Variants in CCDC7 observed in about 807,000 individuals in gnomAD.
CCDC7 encodes coiled-coil domain containing 7, also known as coiled-coil domain-containing protein 7.
CCDC7 carries 183 observed loss-of-function variants against 196.9 expected under a neutral mutation model. That is an observed-to-expected ratio of 0.93 (90% confidence interval 0.82 to 1.05). The LOEUF (loss-of-function observed/expected upper bound fraction) is 1.05, where lower values mean the gene tolerates loss of function less well. Ranked by LOEUF, CCDC7 falls within the 50% of genes least tolerant of loss-of-function variation. The pLI, the probability that CCDC7 is intolerant of heterozygous loss-of-function variation, is 0.00. For synonymous variants in CCDC7, 525 were observed against 484.6 expected, an observed-to-expected ratio of 1.08 and a Z score of -1.10; for missense variants, 1,540 against 1,482.2, an observed-to-expected ratio of 1.04 and a Z score of -0.64.
In CCDC7 at chr10:32,583,317, A is replaced by G. The variant is rs1454163665; in HGVS notation, c.1728+10A>G. 4.1e-6 allele frequency: 5 copies of G among 1,223,818 alleles called. No individual in the cohort carries two copies. Among genetic ancestry groups the G allele is most frequent in the Non-Finnish European group, 5.1e-6 (5 of 980,680 alleles). 75.8% of individuals were successfully genotyped at this position (1,223,818 alleles called of 1,614,324 possible). On this transcript the variant is annotated intron_variant, in intron 17 of 41. Coordinates refer to ENST00000639629, the Ensembl canonical transcript of CCDC7. ...TACAGAAAGTAAAAAGGTATGATATATATAGAAACTTGAAAGCTGTTTATT... is the reference window on the plus strand; with the variant it reads ...TACAGAAAGTAAAAAGGTATGATATGTATAGAAACTTGAAAGCTGTTTATT...
At chr10:32,474,054 GATA>G (rs1197758911) in intron 8 of CCDC7, 31 bp downstream of exon 9, 4 of 1,596,192 alleles carry the variant, frequency 2.5e-6, no homozygotes, top group Admixed American at 3.4e-5. Context: ...GCATTATTGT[GATA>G]ATAACCTCTG....
At chr10:32,570,048 C>T (rs1049425947) in intron 15 of CCDC7, among the ~76,000 whole-genome samples, 3 of 152,096 alleles carry the variant, frequency 2.0e-5, no homozygotes, top group Non-Finnish European at 4.4e-5. Context: ...ATCTCTAACT[C>T]GAATAACACC....
At chr10:32,813,414 T>C (rs2135390698) in intron 30 of CCDC7, among the ~76,000 whole-genome samples, 1 of 152,296 alleles carries the variant, frequency 6.6e-6, no homozygotes, top group South Asian at 2.1e-4. Flanking sequence ...ACCTCCTTGA[T>C]TCATGTTCAA....
At chr10:32,451,395 G>A (rs1225006701), upstream of CCDC7, among the ~76,000 whole-genome samples, 2 of 152,180 alleles carry the variant, frequency 1.3e-5, no homozygotes, top group Non-Finnish European at 2.9e-5. Context: ...ATTAGATATT[G>A]TGATAACTGC....
intron 21 of CCDC7, 105 bp from the exon 23 acceptor site, chr10:32,685,865 G>T: frequency 1.6e-6 from 1 of 635,540 alleles, no homozygotes; most frequent in Non-Finnish European, 2.7e-6. Context: ...CTTTGTAGAA[G>T]TGACTGAGAA....
At chr10:32,653,446 G>T (rs1433609224) in intron 20 of CCDC7, among the ~76,000 whole-genome samples, 2 of 152,148 alleles carry the variant, frequency 1.3e-5, no homozygotes, top group Non-Finnish European at 2.9e-5. Flanking sequence ...TGGGGGAGGG[G>T]TGTGAGACTG....
chr10:32,490,701 G>A (rs1459703282), intron 8 of CCDC7, among the ~76,000 whole-genome samples: 1 of 152,052 alleles, frequency 6.6e-6, no homozygotes, highest in South Asian at 2.1e-4. Context: ...GGAGGCTGAG[G>A]CAGGAGAATG....
chr10:32,805,329 AATATAG>A (rs764709428), intron 30 of CCDC7, among the ~76,000 whole-genome samples: 2 of 152,210 alleles, frequency 1.3e-5, no homozygotes, highest in African/African-American at 2.4e-5. Flanking sequence ...TCCATAAAAT[AATATAG>A]TATAGTGAGC....
intron 28 of CCDC7, among the ~76,000 whole-genome samples, chr10:32,753,446 A>G (rs1195008660): frequency 6.6e-6 from 1 of 152,134 alleles, no homozygotes; most frequent in Non-Finnish European, 1.5e-5. Flanking sequence ...AAGAATTTCT[A>G]TGAGGGAAAT....
intron 31 of CCDC7, among the ~76,000 whole-genome samples, chr10:32,819,772 A>AT (rs1479920974): frequency 6.6e-6 from 1 of 152,216 alleles, no homozygotes; most frequent in Non-Finnish European, 1.5e-5. Context: ...AACAACCTTC[A>AT]TGCTAAAAAC....
exon 34 of CCDC7, chr10:32,845,310 A>T (rs745586854): frequency 6.4e-7 from 1 of 1,569,622 alleles, no homozygotes; most frequent in Non-Finnish European, 8.7e-7. Context: ...TCAATGCACA[A>T]CTAAAGGGTC....
chr10:32,667,533 A>G (rs2073062312), intron 21 of CCDC7, among the ~76,000 whole-genome samples: 2 of 152,144 alleles, frequency 1.3e-5, no homozygotes, highest in South Asian at 4.1e-4. Context: ...ATCCACGTGA[A>G]TTAATTTTTG....
chr10:32,671,033 TTAAA>T, intron 21 of CCDC7, among the ~76,000 whole-genome samples: 1 of 152,274 alleles, frequency 6.6e-6, no homozygotes, highest in African/African-American at 2.4e-5. Flanking sequence ...TAAAAGTTTA[TTAAA>T]TAAAAAGTTA....
chr10:32,445,788 A>T (rs1434298816), upstream of CCDC7, among the ~76,000 whole-genome samples: 1 of 152,166 alleles, frequency 6.6e-6, no homozygotes, highest in Non-Finnish European at 1.5e-5. Context: ...TCCACAATAC[A>T]CTGAAAAGAG....
chr10:32,459,052 G>A (rs1366006687), intron 3 of CCDC7, among the ~76,000 whole-genome samples: 1 of 151,952 alleles, frequency 6.6e-6, no homozygotes, highest in East Asian at 1.9e-4. Context: ...TTATTTTGTA[G>A]CTATTATAAA....
intron 11 of CCDC7, among the ~76,000 whole-genome samples, chr10:32,538,283 T>C (rs1009633128): frequency 6.6e-6 from 1 of 152,200 alleles, no homozygotes; most frequent in African/African-American, 2.4e-5. Context: ...CTGATTTGGC[T>C]CTTGGCTTGG....
At chr10:32,552,760 A>C (rs964051604) in intron 13 of CCDC7, among the ~76,000 whole-genome samples, 6 of 152,190 alleles carry the variant, frequency 3.9e-5, no homozygotes, top group Non-Finnish European at 8.8e-5. Context: ...AATCCCTTCT[A>C]GCTTGTAGAG....
intron 28 of CCDC7, among the ~76,000 whole-genome samples, chr10:32,748,337 C>CTAACA (rs1334414368): frequency 9.9e-5 from 15 of 151,996 alleles, no homozygotes; most frequent in Non-Finnish European, 2.1e-4. Flanking sequence ...TAACAGACCT[C>CTAACA]CACATGTACC....
chr10:32,634,807 A>T (rs2065372688), intron 19 of CCDC7, among the ~76,000 whole-genome samples: 1 of 152,238 alleles, frequency 6.6e-6, no homozygotes, highest in Non-Finnish European at 1.5e-5. Flanking sequence ...AATACTGCAA[A>T]ATAACTAGAG....
Sources: allele counts gnomAD v4.1 joint callset (sites outside exome capture counted in the v4.1 genomes callset), GRCh38; gene constraint gnomAD v4.1.1; transcripts MANE v1.5; gene names NCBI Gene and HGNC (gene_info 2026-07-23, HGNC 2026-07-21).